PTPRZ1: variants seen among roughly 807,000 people sequenced by gnomAD.
PTPRZ1 encodes the protein receptor-type tyrosine-protein phosphatase zeta.
In PTPRZ1, 82 loss-of-function variants were observed where a neutral mutation model predicts 214.1. That is an observed-to-expected ratio of 0.38 (90% CI 0.32 to 0.46). PTPRZ1 has a LOEUF of 0.46. Among genes scored for constraint, PTPRZ1 ranks in the 20% least tolerant of loss-of-function variants. The pLI is 1.00. For missense variants in PTPRZ1, 2,603 were observed against 2,748.7 expected (o/e 0.95, Z 1.19); for synonymous variants, 945 against 987.9 (o/e 0.96, Z 0.81).
chr7:121,971,422 G>A (rs114622693), intron 3 of PTPRZ1, among the ~76,000 whole-genome samples: 17 of 152,190 alleles, frequency 1.1e-4, no homozygotes, highest in African/African-American at 3.9e-4. Flanking sequence ...AGGTCTGAAG[G>A]CGGCTATTTT....
chr7:122,024,232 A>G (rs1269821366), intron 13 of PTPRZ1, among the ~76,000 whole-genome samples: 1 of 151,814 alleles, frequency 6.6e-6, no homozygotes, highest in Non-Finnish European at 1.5e-5. Flanking sequence ...AACAGGGAAG[A>G]TTTTCAAAAG....
Position 122,011,386 on chromosome 7 carries a change from C to A in PTPRZ1, c.2340C>A (p.Ile780=), listed in dbSNP as rs375140226. 8 of 1,613,884 alleles carry A rather than the reference C, an allele frequency of 5.0e-6. No homozygotes were observed. Among genetic ancestry groups the A allele is most frequent in the Non-Finnish European group, 6.8e-6 (8 of 1,179,916 alleles). The change falls in exon 12 of 30, where the codon ATC becomes ATA. Residue 780 remains isoleucine, a synonymous_variant. Coordinates refer to ENST00000393386, the MANE Select transcript of PTPRZ1 (RefSeq NM_002851.3). Reference sequence around the variant, plus strand: ...CCCCTTTGTTGCTTGACAATCAGATCCTCAACACTACCCCTGCTGCTTCAA... The same window carrying A: ...CCCCTTTGTTGCTTGACAATCAGATACTCAACACTACCCCTGCTGCTTCAA... ...LVTPLLLDNQ[I]LNTTPAASSS...
chr7:121,918,809 T>C lies in PTPRZ1; in HGVS notation c.59-9347T>C, dbSNP rs112739947. 3.8e-3 allele frequency among the ~76,000 whole-genome samples: 570 copies of C among 151,502 alleles called. 5 individuals are homozygous for C. Among genetic ancestry groups the C allele is most frequent in the African/African-American group, 0.013 (521 of 41,288 alleles). Reference sequence around the variant, plus strand: ...CTGTATATATGTACTATTTATAAAATAGTATCATAACTGTTGATATTTTAT... The same window carrying C: ...CTGTATATATGTACTATTTATAAAACAGTATCATAACTGTTGATATTTTAT... On this transcript the variant is annotated intron_variant, in intron 1 of 29. Coordinates refer to ENST00000393386, the MANE Select transcript of PTPRZ1 (RefSeq NM_002851.3).
chr7:122,002,476 G>C (rs545762957), intron 10 of PTPRZ1, among the ~76,000 whole-genome samples: 1 of 152,248 alleles, frequency 6.6e-6, no homozygotes, highest in African/African-American at 2.4e-5. Context: ...TTCTTTAGGG[G>C]ATGTGATTGG....
rs557764684 is a variant in PTPRZ1 at position 122,058,795 on chromosome 7, T to C, written c.6529-5T>C. 1.9e-6 allele frequency: 3 copies of C among 1,600,602 alleles called. No individual in the cohort carries two copies. The Admixed American group carries it at 5.1e-5, about 27-fold the overall frequency. ...CTAACATTACTTTGTGTTTTCTTGT[T>C]ATAGGATGATTATGTACTTGAAGTG... is the stretch of plus-strand genomic sequence containing the variant. On this transcript the variant is annotated splice_polypyrimidine_tract_variant and splice_region_variant and intron_variant, in intron 27 of 29. Coordinates refer to ENST00000393386, the MANE Select transcript of PTPRZ1 (RefSeq NM_002851.3).
intron 28 of PTPRZ1, 40 bp from the exon 29 acceptor site, chr7:122,059,713 C>T (rs766686428): frequency 1.9e-6 from 3 of 1,569,288 alleles, no homozygotes; most frequent in African/African-American, 2.8e-5. Context: ...TGGTGCATCT[C>T]AATGGAGTCT....
At chr7:121,914,301 C>CT (rs1049620966) in intron 1 of PTPRZ1, among the ~76,000 whole-genome samples, 1 of 152,124 alleles carries the variant, frequency 6.6e-6, no homozygotes, top group African/African-American at 2.4e-5. Context: ...AACATTACTT[C>CT]TTTTTTTAAG....
intron 8 of PTPRZ1, among the ~76,000 whole-genome samples, chr7:121,991,146 G>T (rs1584718669): frequency 6.6e-6 from 1 of 152,180 alleles, no homozygotes; most frequent in Admixed American, 6.5e-5. Flanking sequence ...GAATGGAAAA[G>T]TTAAAAATGG....
At chr7:121,998,426 A>G (rs1798211085) in intron 10 of PTPRZ1, among the ~76,000 whole-genome samples, 1 of 152,180 alleles carries the variant, frequency 6.6e-6, no homozygotes. Flanking sequence ...AGGTACTTTC[A>G]AATATCTATA....
intron 25 of PTPRZ1, among the ~76,000 whole-genome samples, chr7:122,053,360 G>C (rs1792248755): frequency 6.6e-6 from 1 of 152,182 alleles, no homozygotes; most frequent in African/African-American, 2.4e-5. Context: ...CAAGCAGGCT[G>C]TTCTGTAGTG....
At chr7:121,942,051 G>A (rs1796252912) in intron 2 of PTPRZ1, among the ~76,000 whole-genome samples, 1 of 152,166 alleles carries the variant, frequency 6.6e-6, no homozygotes, top group Admixed American at 6.5e-5. Flanking sequence ...AGCTCAGTGA[G>A]AATCAATTTC....
At chr7:122,044,126 G>A (rs1799810820) in intron 22 of PTPRZ1, among the ~76,000 whole-genome samples, 2 of 152,152 alleles carry the variant, frequency 1.3e-5, no homozygotes, top group South Asian at 4.1e-4. Flanking sequence ...CAAGTTTGAA[G>A]GATAGGCAGA....
At chr7:121,884,305 T>C (rs2116179408) in intron 1 of PTPRZ1, among the ~76,000 whole-genome samples, 1 of 152,288 alleles carries the variant, frequency 6.6e-6, no homozygotes, top group Non-Finnish European at 1.5e-5. Context: ...TATGTGCATA[T>C]ATGCATCTAT....
chr7:122,049,064 A>G (rs1271270982), intron 23 of PTPRZ1, among the ~76,000 whole-genome samples: 1 of 152,132 alleles, frequency 6.6e-6, no homozygotes, highest in South Asian at 2.1e-4. Flanking sequence ...ACTGGAAAAT[A>G]TGAATAGATT....
At chr7:121,885,155 A>G (rs1794361180) in intron 1 of PTPRZ1, among the ~76,000 whole-genome samples, 1 of 152,240 alleles carries the variant, frequency 6.6e-6, no homozygotes, top group South Asian at 2.1e-4. Context: ...AGGAAAAGAT[A>G]TAAGCAAAAT....
At chr7:121,907,312 TA>T (rs2116291451) in intron 1 of PTPRZ1, among the ~76,000 whole-genome samples, 1 of 152,170 alleles carries the variant, frequency 6.6e-6, no homozygotes, top group South Asian at 2.1e-4. Context: ...CCCTAATAAA[TA>T]ACTTACTTAT....
chr7:122,059,623 G>C (rs1289582420), intron 28 of PTPRZ1, 130 bp from the exon 29 acceptor site: 1 of 1,026,342 alleles, frequency 9.7e-7, no homozygotes, highest in African/African-American at 1.6e-5. Flanking sequence ...AAAAAGCGAA[G>C]AGAGACAATT....
intron 3 of PTPRZ1, among the ~76,000 whole-genome samples, chr7:121,968,908 G>A (rs1236176252): frequency 6.6e-6 from 1 of 152,062 alleles, no homozygotes; most frequent in East Asian, 1.9e-4. Flanking sequence ...TTTAGGTAAT[G>A]TAATTATTTG....
At chr7:121,996,709 T>A (rs1172656836) in intron 9 of PTPRZ1, 143 bp downstream of exon 9, 1 of 571,388 alleles carries the variant, frequency 1.8e-6, no homozygotes, top group African/African-American at 1.9e-5. Context: ...ATTTTTAAAT[T>A]TAAAAAAAAA....
Sources: allele counts gnomAD v4.1 joint callset (sites outside exome capture counted in the v4.1 genomes callset), GRCh38; gene constraint gnomAD v4.1.1; transcripts MANE v1.5; gene names NCBI Gene and HGNC (gene_info 2026-07-23, HGNC 2026-07-21).